NOC3L: variants seen among roughly 807,000 people sequenced by gnomAD.
The protein encoded by NOC3L is NOC3 like DNA replication regulator, also known as nucleolar complex protein 3 homolog.
A neutral mutation model predicts 102.5 loss-of-function variants in NOC3L; 85 were observed. That is an observed-to-expected ratio of 0.83 (90% CI 0.70 to 0.99). The LOEUF (loss-of-function observed/expected upper bound fraction) is 0.99. Among genes scored for constraint, NOC3L ranks in the 50% least tolerant of loss-of-function variants. The pLI is 0.00. For synonymous variants in NOC3L, 303 were observed against 309.4 expected (o/e 0.98, Z 0.22); for missense variants, 878 against 914.9 (o/e 0.96, Z 0.52).
intron 13 of NOC3L, among the ~76,000 whole-genome samples, 174 bp from the exon 14 acceptor site, chr10:94,341,919 T>A (rs1032384172): frequency 5.3e-5 from 8 of 152,214 alleles, no homozygotes; most frequent in Admixed American, 2.0e-4. Flanking sequence ...CTTCAACAAT[T>A]CATACACCAT....
the NOC3L span, chr10:94,316,663 C>G: frequency 6.2e-7 from 1 of 1,613,284 alleles, no homozygotes. Flanking sequence ...TCCAGAGAGC[C>G]ATTGGTCCAG....
the NOC3L span, among the ~76,000 whole-genome samples, chr10:94,317,650 T>C: frequency 6.6e-5 from 10 of 152,316 alleles, no homozygotes; most frequent in African/African-American, 2.2e-4. Context: ...ATTCCCATGA[T>C]CATTCCTGGG....
intron 13 of NOC3L, among the ~76,000 whole-genome samples, chr10:94,344,162 T>C (rs1193468208): frequency 6.6e-6 from 1 of 152,160 alleles, no homozygotes; most frequent in Non-Finnish European, 1.5e-5. Context: ...AACTGAGAGA[T>C]TTAACCTTAG....
rs750160127 is a variant in NOC3L, at chr10:94,357,338, G to A, written c.351-7C>T. ...CTTCGCATGAACAGGCTCACTGCAG[G>A]GGAAAAAAAGATCAATTTTCAGTCT... On this transcript the variant is annotated splice_polypyrimidine_tract_variant and splice_region_variant and intron_variant, in intron 3 of 20. Transcript: ENST00000371361. 3.2e-6 allele frequency: 5 copies of A among 1,550,564 alleles called. No individual in the cohort carries two copies. The highest frequency in any genetic ancestry group is 2.5e-5 in the South Asian group (2 of 79,824).
Position 94,350,189 on chromosome 10 carries a change from A to C in NOC3L, c.1052T>G (p.Val351Gly). The C allele has an allele frequency of 6.2e-7, 1 of 1,614,170 alleles. No individual in the cohort carries two copies. The highest frequency in any genetic ancestry group is 8.5e-7 in the Non-Finnish European group (1 of 1,179,994). ...VAVKSLCELL[V>G]ALPHFNFHNN... ...GTGAAAGTTAAAATGAGGTAGTGCC[A>C]CCAACAGCTCACACAAGCTCTTCAC... Residue 351 changes from valine to glycine, a missense_variant, in exon 9 of 21, where the codon GTG (valine) becomes GGG (glycine). Val to Gly is a moderately radical substitution (Grantham distance 109). Coordinates refer to ENST00000371361, the MANE Select transcript of NOC3L (RefSeq NM_022451.11).
In NOC3L at chr10:94,355,953, A is replaced by C. The variant is rs1315118808; in HGVS notation, c.565+582T>G. ...TTATGATGGGTGACTGAAAACAGTT[A>C]AACAGTTGACCTGTAATTCATTTTT... On this transcript the variant is annotated intron_variant, in intron 5 of 20. Coordinates refer to ENST00000371361, the MANE Select transcript of NOC3L (RefSeq NM_022451.11). Among the ~76,000 whole-genome samples the C allele has an allele frequency of 2.0e-5, 3 of 152,222 alleles. No homozygotes were observed. The East Asian group carries it at 5.8e-4, about 29-fold the overall frequency.
At chr10:94,354,714 T>A (rs1372037465) in intron 6 of NOC3L, among the ~76,000 whole-genome samples, 1 of 152,220 alleles carries the variant, frequency 6.6e-6, no homozygotes, top group East Asian at 1.9e-4. Flanking sequence ...TGTCCAGTAT[T>A]TTCATATATG....
chr10:94,353,837 C>A (rs1340543836), intron 6 of NOC3L, among the ~76,000 whole-genome samples: 1 of 152,154 alleles, frequency 6.6e-6, no homozygotes, highest in Non-Finnish European at 1.5e-5. Context: ...CAGTCATACA[C>A]ATGAATTAAT....
At chr10:94,348,597 TA>T (rs1222596737) in intron 10 of NOC3L, among the ~76,000 whole-genome samples, 2 of 151,910 alleles carry the variant, frequency 1.3e-5, no homozygotes, top group African/African-American at 2.4e-5. Context: ...AATAAGCAGG[TA>T]AAAAAAGTTT....
intron 20 of NOC3L, 148 bp from the exon 21 acceptor site, chr10:94,334,453 T>C (rs111526351): frequency 1.5e-5 from 10 of 659,770 alleles, no homozygotes; most frequent in Middle Eastern, 4.2e-4. Flanking sequence ...ATATCCTATA[T>C]TGAACGAACA....
In NOC3L at chr10:94,346,410, G is replaced by C. The variant is rs772556238; in HGVS notation, c.1389+15C>G. 6.9e-7 allele frequency: 1 copy of C among 1,455,120 alleles called. No homozygotes were observed. The highest frequency in any genetic ancestry group is 2.7e-5 in the East Asian group (1 of 36,480). 90.1% of individuals were successfully genotyped at this position (1,455,120 alleles called of 1,614,324 possible). Reference sequence around the variant, plus strand: ...CAGAAAATTTAAATGAAACAAAAGGGGAAATAAGTCAAACCTTTCTCTGCA... The same window carrying C: ...CAGAAAATTTAAATGAAACAAAAGGCGAAATAAGTCAAACCTTTCTCTGCA... On this transcript the variant is annotated intron_variant, in intron 11 of 20. Transcript: ENST00000371361.
chr10:94,339,343 C>A (rs929611093), intron 17 of NOC3L, among the ~76,000 whole-genome samples: 10 of 136,820 alleles, frequency 7.3e-5, no homozygotes, highest in African/African-American at 2.6e-4. Flanking sequence ...ATTAAATAAA[C>A]CTTACATAAA....
chr10:94,352,435 A>T, intron 7 of NOC3L, 32 bp from the exon 8 acceptor site: 2 of 1,461,998 alleles, frequency 1.4e-6, no homozygotes, highest in Non-Finnish European at 1.9e-6. Flanking sequence ...ATCATTTTTT[A>T]AAATCAGAAC....
chr10:94,345,702 T>C (rs1467041853), intron 11 of NOC3L, among the ~76,000 whole-genome samples: 1 of 152,210 alleles, frequency 6.6e-6, no homozygotes, highest in Non-Finnish European at 1.5e-5. Context: ...TTATTAAGTC[T>C]ATTTTGATAC....
At chr10:94,319,313 A>G in the NOC3L span, among the ~76,000 whole-genome samples, 1 of 152,230 alleles carries the variant, frequency 6.6e-6, no homozygotes, top group African/African-American at 2.4e-5. Context: ...CCCAAATAAT[A>G]ATTGCTGATT....
rs756507091 is a variant in NOC3L, at chr10:94,358,080, T to C, written c.350+3A>G. ...AATGATTATAACCCAAATGAAGTAT[T>C]ACCTAGAAGAAAGATCTCTTGTTAG... On this transcript the variant is annotated splice_donor_region_variant and intron_variant, in intron 3 of 20. Coordinates refer to ENST00000371361, the MANE Select transcript of NOC3L (RefSeq NM_022451.11). 6.4e-7 allele frequency: 1 copy of C among 1,559,170 alleles called. No homozygotes were observed. Among genetic ancestry groups the C allele is most frequent in the African/African-American group, 1.4e-5 (1 of 73,858 alleles).
the NOC3L span, chr10:94,316,648 A>T: frequency 6.2e-7 from 1 of 1,611,838 alleles, no homozygotes; most frequent in Non-Finnish European, 8.5e-7. Context: ...GTAGGAAACA[A>T]CCATTCCAGA....
In NOC3L at chr10:94,340,138, T is replaced by C. The variant is rs923744887; in HGVS notation, c.1780+138A>G. The stretch of plus-strand genomic sequence containing the variant: ...CTCTTTCTCCAAGTCTTACATAAGA[T>C]TAAATACAGATGCATGGCACTGGAA... On this transcript the variant is annotated intron_variant, in intron 16 of 20. Transcript: ENST00000371361. 3.2e-5 allele frequency: 26 copies of C among 803,584 alleles called. No homozygotes were observed. The African/African-American group carries it at 3.5e-4, about 11-fold the overall frequency. The allele number at this position is 803,584 out of a possible 1,614,324, so 49.8% of individuals were successfully genotyped here. A position where few individuals can be genotyped will look rare whatever the true frequency, so the allele number is the denominator to read the frequency against.
At chr10:94,322,027 C>T in the NOC3L span, 10 of 1,613,996 alleles carry the variant, frequency 6.2e-6, no homozygotes, top group Middle Eastern at 1.6e-4. Context: ...CAAAGCACCC[C>T]GCGTCAGCAC....
Sources: gnomAD v4.1 joint callset for allele counts (sites outside exome capture counted in the v4.1 genomes callset) on GRCh38, gnomAD v4.1.1 for gene constraint, MANE v1.5 for transcripts, NCBI Gene and HGNC (gene_info 2026-07-23, HGNC 2026-07-21) for gene names.